The following CD82 variants were observed in gnomAD, a reference collection of about 807,000 sequenced individuals.
The protein encoded by CD82 is CD82 molecule, also known as CD82 antigen.
In CD82, 36 loss-of-function variants were observed where a neutral mutation model predicts 37.4. The observed-to-expected ratio is 0.96, with a 90% CI of 0.74 to 1.27. The LOEUF (loss-of-function observed/expected upper bound fraction) is 1.27. Among genes scored for constraint, CD82 ranks in the 50% most tolerant of loss-of-function variants. The pLI is 0.00. For missense variants in CD82, 340 were observed against 347.0 expected, an observed-to-expected ratio of 0.98 and a Z score of 0.16; for synonymous variants, 158 against 137.4, an observed-to-expected ratio of 1.15 and a Z score of -1.05.
intron 1 of CD82, chr11:44,584,999 G>T: frequency 2.9e-6 from 1 of 344,926 alleles, no homozygotes. Flanking sequence ...TGGGCAGACC[G>T]AGCTCCCACG....
chr11:44,590,163 G>A (rs1853119770), intron 2 of CD82, among the ~76,000 whole-genome samples: 1 of 152,050 alleles, frequency 6.6e-6, no homozygotes. Flanking sequence ...ACACTTGTGG[G>A]TGCGCCATTT....
chr11:44,568,495 T>C (rs1852768906), intron 1 of CD82, among the ~76,000 whole-genome samples: 1 of 127,936 alleles, frequency 7.8e-6, no homozygotes, highest in South Asian at 2.9e-4. Flanking sequence ...TGGGAGCCTG[T>C]GCCAGCCAGC....
At chr11:44,615,445 A>G (rs552917028) in intron 7 of CD82, 72 bp downstream of exon 7, 21 of 922,114 alleles carry the variant, frequency 2.3e-5, no homozygotes, top group East Asian at 7.5e-5. Context: ...GTGCACCCAC[A>G]TGTCTGGGAC....
In CD82 at chr11:44,619,183, CT is replaced by C; in HGVS notation, c.*58del. ...CCCCAACCTCAGGGCTCCCAGGGGT[CT>C]CCCTGGCTCCCTCCTCCAGGCCTGC... is the stretch of plus-strand genomic sequence containing the variant. On this transcript the variant is annotated 3_prime_UTR_variant, in exon 10 of 10. Transcript: ENST00000227155. The C allele has an allele frequency of 3.0e-6, 4 of 1,316,456 alleles. No individual in the cohort carries two copies. The highest frequency in any genetic ancestry group is 1.4e-5 in the African/African-American group (1 of 69,360). The allele number at this position is 1,316,456 out of a possible 1,614,324, so 81.5% of individuals were successfully genotyped here. A position where few individuals can be genotyped will look rare whatever the true frequency, so the allele number is the denominator to read the frequency against.
At chr11:44,589,143 C>T (rs975972582) in intron 2 of CD82, among the ~76,000 whole-genome samples, 1 of 152,218 alleles carries the variant, frequency 6.6e-6, no homozygotes, top group Non-Finnish European at 1.5e-5. Flanking sequence ...GTAATCCCAG[C>T]TACTCTGGAG....
intron 1 of CD82, among the ~76,000 whole-genome samples, chr11:44,575,535 C>G (rs2134622943): frequency 6.6e-6 from 1 of 152,308 alleles, no homozygotes; most frequent in East Asian, 1.9e-4. Flanking sequence ...TTCTGTGGGT[C>G]TGGGGTACTG....
At chr11:44,596,883 A>G in intron 3 of CD82, 2 of 456,192 alleles carry the variant, frequency 4.4e-6, no homozygotes, top group East Asian at 1.4e-4. Flanking sequence ...TAACTACTCA[A>G]ATGCATGAAA....
At chr11:44,572,091 G>A (rs1852822356) in intron 1 of CD82, among the ~76,000 whole-genome samples, 1 of 152,228 alleles carries the variant, frequency 6.6e-6, no homozygotes, top group Non-Finnish European at 1.5e-5. Context: ...ACGGCTGCAG[G>A]GTTTTATTCA....
Position 44,618,222 on chromosome 11 carries a change from C to A in CD82, c.499C>A (p.Arg167Ser), listed in dbSNP as rs149456679. The change falls in exon 8 of 10, where the codon CGC (arginine) becomes AGC (serine). Residue 167 changes from arginine to serine, a missense_variant. Arg to Ser is a moderately radical substitution (Grantham distance 110, BLOSUM62 -1). Coordinates refer to ENST00000227155, the MANE Select transcript of CD82 (RefSeq NM_002231.4). Reference protein sequence around the residue: ...NWTDNAELMNRPEVTYPCSCE... With the variant: ...NWTDNAELMNSPEVTYPCSCE... ...GACAGACAACGCTGAGCTCATGAAT[C>A]GCCCTGAGGTCACCTACCCCTGTTC... The A allele has an allele frequency of 3.1e-6, 5 of 1,614,096 alleles. No homozygotes were observed. Among genetic ancestry groups the A allele is most frequent in the Non-Finnish European group, 4.2e-6 (5 of 1,180,030 alleles).
intron 1 of CD82, among the ~76,000 whole-genome samples, chr11:44,573,902 G>A (rs558744949): frequency 2.6e-5 from 4 of 152,290 alleles, no homozygotes; most frequent in African/African-American, 7.2e-5. Context: ...AGATAATGCT[G>A]GTAAAATGCT....
At chr11:44,573,870 T>C (rs1565079483) in intron 1 of CD82, among the ~76,000 whole-genome samples, 1 of 152,198 alleles carries the variant, frequency 6.6e-6, no homozygotes, top group African/African-American at 2.4e-5. Flanking sequence ...CTCAGAGTCT[T>C]GGTTTTTATG....
chr11:44,600,859 C>T (rs535884394), intron 4 of CD82, among the ~76,000 whole-genome samples: 1 of 152,340 alleles, frequency 6.6e-6, no homozygotes, highest in African/African-American at 2.4e-5. Flanking sequence ...GGTTAAGTCC[C>T]TTGCTGAAGT....
At chr11:44,600,630 G>C (rs1853294172) in intron 4 of CD82, among the ~76,000 whole-genome samples, 1 of 152,198 alleles carries the variant, frequency 6.6e-6, no homozygotes, top group Non-Finnish European at 1.5e-5. Context: ...GGGCTGATGA[G>C]GCACCTGCTA....
At chr11:44,565,079 G>A (rs1852707724), upstream of CD82, among the ~76,000 whole-genome samples, 1 of 152,236 alleles carries the variant, frequency 6.6e-6, no homozygotes. Context: ...CCGCTCCCAC[G>A]CCGTTCCCCG....
At chr11:44,608,849 T>C (rs888361417) in intron 6 of CD82, among the ~76,000 whole-genome samples, 7 of 152,220 alleles carry the variant, frequency 4.6e-5, no homozygotes, top group African/African-American at 1.7e-4. Flanking sequence ...AATCTGATCC[T>C]GTCTCGAGCC....
rs752419097 is a variant in CD82, at chr11:44,618,174, G to A, written c.451G>A (p.Gly151Ser). ...CTGCCTTGCCCAGGTGAAGTGCTGC[G>A]GCTGGGTCAGCTTCTACAACTGGAC... is the stretch of plus-strand genomic sequence containing the variant. ...DYVQAQVKCCGWVSFYNWTDN... is the reference protein window; with the variant it reads ...DYVQAQVKCCSWVSFYNWTDN... The change falls in exon 8 of 10, where the codon GGC (glycine) becomes AGC (serine). Residue 151 changes from glycine (G) to serine (S), a missense_variant. Gly to Ser is a moderately conservative substitution (Grantham distance 56). Coordinates refer to ENST00000227155, the MANE Select transcript of CD82 (RefSeq NM_002231.4). 6.2e-6 allele frequency: 10 copies of A among 1,613,908 alleles called. No individual in the cohort carries two copies. Among genetic ancestry groups the A allele is most frequent in the East Asian group, 2.2e-5 (1 of 44,852 alleles).
chr11:44,605,507 A>T, intron 6 of CD82, 78 bp downstream of exon 6: 1 of 1,337,794 alleles, frequency 7.5e-7, no homozygotes, highest in South Asian at 1.2e-5. Context: ...GGGATGGACA[A>T]GGAACCCCCC....
chr11:44,603,255 T>C (rs10838315), intron 4 of CD82, among the ~76,000 whole-genome samples: 34,712 of 151,952 alleles, frequency 0.23, 4,285 homozygotes, highest in East Asian at 0.31. Flanking sequence ...GAGAGTAGGG[T>C]TGGCCAGGGC....
chr11:44,617,311 C>G (rs988636686), intron 7 of CD82, among the ~76,000 whole-genome samples: 39 of 152,202 alleles, frequency 2.6e-4, no homozygotes, highest in African/African-American at 2.4e-5. Flanking sequence ...GTAATCCCAG[C>G]ACTTTGGGAG....
Sources: gnomAD v4.1 joint callset for allele counts (sites outside exome capture counted in the v4.1 genomes callset) on GRCh38, gnomAD v4.1.1 for gene constraint, MANE v1.5 for transcripts, NCBI Gene and HGNC (gene_info 2026-07-23, HGNC 2026-07-21) for gene names.